The following CCDC178 variants were observed in gnomAD, a reference collection of about 807,000 sequenced individuals.
The protein encoded by CCDC178 is coiled-coil domain containing 178, also known as coiled-coil domain-containing protein 178.
In CCDC178, 126 loss-of-function variants were observed where a neutral mutation model predicts 117.4. That is an observed-to-expected ratio of 1.07 (90% CI 0.93 to 1.24). The LOEUF is 1.24. Ranked by LOEUF, CCDC178 falls within the 50% of genes most tolerant of loss-of-function variation. CCDC178 has a pLI of 0.00. For synonymous variants in CCDC178, 283 were observed against 313.4 expected (o/e 0.90, Z 1.02); for missense variants, 1,030 against 986.9 (o/e 1.04, Z -0.59).
At chr18:33,393,571 A>T (rs1403708251) in intron 4 of CCDC178, among the ~76,000 whole-genome samples, 1 of 152,158 alleles carries the variant, frequency 6.6e-6, no homozygotes, top group Non-Finnish European at 1.5e-5. Flanking sequence ...TGGACCTTGC[A>T]ATAATGAAAT....
chr18:33,155,875 T>C lies in CCDC178; in HGVS notation c.2238+56021A>G, dbSNP rs9959761. ...CTGGGGGTATTTCATGGTGGTTAAA[T>C]GACTGAAAAAGTTGGTGATTCATAC... On this transcript the variant is annotated intron_variant, in intron 20 of 22. Transcript: ENST00000383096. Among the ~76,000 whole-genome samples the C allele has an allele frequency of 7.8e-3, 1,191 of 152,070 alleles. 13 individuals are homozygous for C. Among genetic ancestry groups the C allele is most frequent in the African/African-American group, 0.027 (1,110 of 41,466 alleles).
At chr18:33,388,519 A>ATTTTTTTTTTGTTTT (rs2063524166) in intron 5 of CCDC178, among the ~76,000 whole-genome samples, 1 of 65,266 alleles carries the variant, frequency 1.5e-5, no homozygotes, top group Non-Finnish European at 2.6e-5. Context: ...ACACCACGGA[A>ATTTTTTTTTTGTTTT]TTTTTTTTTT....
intron 20 of CCDC178, among the ~76,000 whole-genome samples, chr18:33,122,910 A>G (rs1166479660): frequency 6.6e-6 from 1 of 152,140 alleles, no homozygotes; most frequent in Non-Finnish European, 1.5e-5. Flanking sequence ...CAAATTTCTC[A>G]TAGGTACCGG....
chr18:33,032,418 C>G (rs764751536), intron 21 of CCDC178, among the ~76,000 whole-genome samples: 2 of 152,128 alleles, frequency 1.3e-5, no homozygotes, highest in Non-Finnish European at 2.9e-5. Context: ...ATTCTGTTCA[C>G]ATTCAAAGTG....
intron 22 of CCDC178, among the ~76,000 whole-genome samples, chr18:32,953,437 C>T (rs2054532159): frequency 6.6e-6 from 1 of 152,180 alleles, no homozygotes; most frequent in African/African-American, 2.4e-5. Flanking sequence ...TTTCTATCTT[C>T]TTCTGAGCCT....
At chr18:33,021,686 C>T (rs977789800) in intron 21 of CCDC178, among the ~76,000 whole-genome samples, 1 of 152,190 alleles carries the variant, frequency 6.6e-6, no homozygotes, top group Non-Finnish European at 1.5e-5. Flanking sequence ...TTAACCTCAC[C>T]TCATGTTTAT....
intron 11 of CCDC178, among the ~76,000 whole-genome samples, chr18:33,308,848 T>C (rs1169701814): frequency 6.6e-6 from 1 of 152,146 alleles, no homozygotes; most frequent in Non-Finnish European, 1.5e-5. Flanking sequence ...TGTGTTTGCT[T>C]CCCTTTCCAC....
At chr18:33,437,960 C>A (rs1040004398) in intron 2 of CCDC178, among the ~76,000 whole-genome samples, 5 of 152,062 alleles carry the variant, frequency 3.3e-5, no homozygotes, top group African/African-American at 1.2e-4. Flanking sequence ...ACAATGTGTG[C>A]AAATATCAGT....
At chr18:33,080,686 T>C (rs1395862984) in intron 21 of CCDC178, among the ~76,000 whole-genome samples, 2 of 152,174 alleles carry the variant, frequency 1.3e-5, no homozygotes, top group African/African-American at 4.8e-5. Flanking sequence ...TACAGTAGTT[T>C]TGTTTTCTAA....
At chr18:33,241,963 C>A (rs866557146) in intron 15 of CCDC178, among the ~76,000 whole-genome samples, 24 of 151,672 alleles carry the variant, frequency 1.6e-4, no homozygotes, top group African/African-American at 5.8e-4. Context: ...ATTACCAAAG[C>A]ATTCCTAGCA....
At chr18:33,314,373 C>G (rs923017072) in intron 11 of CCDC178, among the ~76,000 whole-genome samples, 4 of 152,032 alleles carry the variant, frequency 2.6e-5, no homozygotes, top group Non-Finnish European at 5.9e-5. Context: ...CCACAGTCTT[C>G]GGGTAAAGTA....
intron 20 of CCDC178, among the ~76,000 whole-genome samples, chr18:33,175,486 G>A (rs1288444100): frequency 6.6e-6 from 1 of 151,946 alleles, no homozygotes; most frequent in Non-Finnish European, 1.5e-5. Context: ...GACTACAGGT[G>A]TCCCCCTCCA....
At position 33,215,661 on chromosome 18, in the gene CCDC178, G is replaced by A. The variant is rs372954179; in HGVS notation, c.1967C>T (p.Ala656Val). ...KRSAIFKDLE[A>V]TKSKTMIFYA... ...AAAAATCATTGTCTTACTTTTAGTT[G>A]CTTCTAGGTCTTTAAAAATTGCTGA... The change falls in exon 19 of 23, where the codon GCA becomes GTA. Residue 656 changes from alanine to valine, a missense_variant. By Grantham distance (64) the Ala-to-Val change is moderately conservative. Coordinates refer to ENST00000383096, the MANE Select transcript of CCDC178 (RefSeq NM_001105528.4). 5.9e-6 allele frequency: 9 copies of A among 1,524,346 alleles called. No individual in the cohort carries two copies. Among genetic ancestry groups the A allele is most frequent in the Non-Finnish European group, 7.9e-6 (9 of 1,143,340 alleles). The allele number at this position is 1,524,346 out of a possible 1,614,324, so 94.4% of individuals were successfully genotyped here. A position where few individuals can be genotyped will look rare whatever the true frequency, so the allele number is the denominator to read the frequency against.
At chr18:33,191,398 T>C (rs1428429741) in intron 20 of CCDC178, among the ~76,000 whole-genome samples, 2 of 152,168 alleles carry the variant, frequency 1.3e-5, no homozygotes, top group Non-Finnish European at 2.9e-5. Context: ...TTATAAGAAG[T>C]CATTTATGAT....
At chr18:33,069,856 T>C (rs1471389943) in intron 21 of CCDC178, among the ~76,000 whole-genome samples, 3 of 151,808 alleles carry the variant, frequency 2.0e-5, no homozygotes, top group Non-Finnish European at 2.9e-5. Flanking sequence ...ACTTAAAAAA[T>C]GGGTAAAGGA....
intron 21 of CCDC178, among the ~76,000 whole-genome samples, chr18:33,022,101 T>C (rs577942860): frequency 3.7e-4 from 56 of 152,296 alleles, no homozygotes; most frequent in African/African-American, 1.3e-3. Flanking sequence ...AATGGTCTTT[T>C]GGTATGTTCT....
intron 20 of CCDC178, among the ~76,000 whole-genome samples, chr18:33,182,400 A>T (rs887066735): frequency 3.9e-5 from 6 of 152,032 alleles, no homozygotes; most frequent in Non-Finnish European, 7.4e-5. Context: ...ATTACATTTT[A>T]AAAAATCAAA....
At chr18:32,992,996 T>A (rs1360592426) in intron 21 of CCDC178, among the ~76,000 whole-genome samples, 1 of 152,032 alleles carries the variant, frequency 6.6e-6, no homozygotes, top group African/African-American at 2.4e-5. Flanking sequence ...TGAAGCCCCG[T>A]CTCTGCTAAA....
intron 20 of CCDC178, among the ~76,000 whole-genome samples, chr18:33,205,831 A>T (rs1029629234): frequency 1.3e-5 from 2 of 152,166 alleles, no homozygotes; most frequent in Non-Finnish European, 2.9e-5. Context: ...AATAGCTGGG[A>T]CTATAGGCCC....
Sources: gnomAD v4.1 joint callset for allele counts (sites outside exome capture counted in the v4.1 genomes callset) on GRCh38, gnomAD v4.1.1 for gene constraint, MANE v1.5 for transcripts, NCBI Gene and HGNC (gene_info 2026-07-23, HGNC 2026-07-21) for gene names.